The following QKI variants were observed in gnomAD, a reference collection of about 807,000 sequenced individuals.
QKI encodes KH domain-containing RNA-binding protein QKI.
A neutral mutation model predicts 39.0 loss-of-function variants in QKI; 10 were observed. That is an observed-to-expected ratio of 0.26 (90% CI 0.16 to 0.43). The LOEUF (loss-of-function observed/expected upper bound fraction) is 0.43. Among genes scored for constraint, QKI ranks in the 20% least tolerant of loss-of-function variants. The pLI is 1.00. For synonymous variants in QKI, 204 were observed against 155.4 expected (o/e 1.31, Z -2.33); for missense variants, 218 against 428.0 (o/e 0.51, Z 4.33).
intron 1 of QKI, among the ~76,000 whole-genome samples, chr6:163,437,501 G>A (rs1022638903): frequency 1.2e-4 from 19 of 152,076 alleles, no homozygotes; most frequent in Admixed American, 1.2e-3. Flanking sequence ...ATCCACACCC[G>A]AAATGTAGCC....
intron 7 of QKI, chr6:163,569,187 TTAAA>T: frequency 2.1e-6 from 2 of 957,404 alleles, no homozygotes; most frequent in Non-Finnish European, 2.5e-6. Flanking sequence ...AATTTTTATT[TTAAA>T]TAAAATTCCA....
intron 1 of QKI, chr6:163,423,297 T>C (rs1788150520): frequency 6.6e-6 from 1 of 152,198 alleles, no homozygotes; most frequent in Non-Finnish European, 1.5e-5. Flanking sequence ...CAAAAACAAA[T>C]AAAATTTGGA....
At position 163,563,387 on chromosome 6, in the gene QKI, A is replaced by G. The variant is rs748916370; in HGVS notation, c.635-33A>G. ...TTCCGTATTTTATACTGCTGTCTCT[A>G]TACTTCTTTCTAAATTTCTTTGCTT... On this transcript the variant is annotated intron_variant, in intron 5 of 7. Coordinates refer to ENST00000361752, the MANE Select transcript of QKI (RefSeq NM_006775.3). The G allele has an allele frequency of 2.6e-5, 40 of 1,539,666 alleles. 1 individual carries two copies. In the South Asian group the frequency reaches 3.8e-4, roughly 15 times the overall value.
intron 7 of QKI, chr6:163,567,974 A>C: frequency 1.0e-6 from 1 of 985,362 alleles, no homozygotes; most frequent in Non-Finnish European, 1.2e-6. Flanking sequence ...ATATTTGTTT[A>C]GCATAATCCA....
chr6:163,421,635 T>C (rs1381029512), intron 1 of QKI, among the ~76,000 whole-genome samples: 1 of 149,504 alleles, frequency 6.7e-6, no homozygotes, highest in Non-Finnish European at 1.5e-5. Flanking sequence ...TTAACACAAA[T>C]AGCTATGTTT....
At chr6:163,503,210 G>T (rs1370844565) in intron 3 of QKI, among the ~76,000 whole-genome samples, 3 of 136,962 alleles carry the variant, frequency 2.2e-5, no homozygotes, top group African/African-American at 2.7e-5. Flanking sequence ...TCAAACTCAT[G>T]AGCTCAGGCA....
chr6:163,546,242 A>T (rs150695077), intron 4 of QKI, among the ~76,000 whole-genome samples: 1 of 151,752 alleles, frequency 6.6e-6, no homozygotes, highest in Admixed American at 6.6e-5. Flanking sequence ...CTTTAGTTCA[A>T]TTATTTTCAT....
Position 163,577,979 on chromosome 6 carries a change from A to C in QKI, c.*7269A>C, listed in dbSNP as rs547190544. On this transcript the variant is annotated 3_prime_UTR_variant, in exon 8 of 8. Transcript: ENST00000361752. Reference sequence around the variant, plus strand: ...TGACCATCTAATAGTTGTACTATACATATGTCTAAAATAATAGTCATGGTA... The same window carrying C: ...TGACCATCTAATAGTTGTACTATACCTATGTCTAAAATAATAGTCATGGTA... 1 of 152,210 alleles carries C rather than the reference A, an allele frequency of 6.6e-6. No homozygotes were observed. Among genetic ancestry groups the C allele is most frequent in the Non-Finnish European group, 1.5e-5 (1 of 68,038 alleles). The allele number at this position is 152,210 out of a possible 1,614,324, so 9.4% of individuals were successfully genotyped here.
intron 3 of QKI, among the ~76,000 whole-genome samples, chr6:163,533,969 C>CGA (rs1562520526): frequency 6.6e-6 from 1 of 152,156 alleles, no homozygotes; most frequent in African/African-American, 2.4e-5. Flanking sequence ...TTACTGGAAT[C>CGA]TAACAATTAG....
intron 2 of QKI, among the ~76,000 whole-genome samples, chr6:163,477,938 G>T (rs1792752054): frequency 6.6e-6 from 1 of 152,168 alleles, no homozygotes; most frequent in Non-Finnish European, 1.5e-5. Flanking sequence ...GTACCTATTT[G>T]ATTGAATAAG....
chr6:163,458,609 A>G (rs764251112), intron 2 of QKI, among the ~76,000 whole-genome samples: 1 of 152,146 alleles, frequency 6.6e-6, no homozygotes, highest in Non-Finnish European at 1.5e-5. Flanking sequence ...TGTGTTTTGG[A>G]CTTGGCAGTG....
In QKI at chr6:163,566,731, T is replaced by C; in HGVS notation, c.945T>C (p.Ala315=). 2 of 1,613,810 alleles carry C rather than the reference T, an allele frequency of 1.2e-6. No individual in the cohort carries two copies. Among genetic ancestry groups the C allele is most frequent in the Non-Finnish European group, 1.7e-6 (2 of 1,179,836 alleles). ...TTGCAATTTAACTAGGTGCGGTGGC[T>C]ACTAAAGTTCGAAGGCACGATATGC... The part of the protein sequence containing the change: ...IEPSGVLGAV[A]TKVRRHDMRV... The change falls in exon 7 of 8, where the codon GCT becomes GCC. Residue 315 remains alanine (A), a synonymous_variant. Transcript: ENST00000361752.
chr6:163,560,524 A>G (rs1403991307), intron 4 of QKI, among the ~76,000 whole-genome samples: 3 of 152,036 alleles, frequency 2.0e-5, no homozygotes, highest in Non-Finnish European at 1.5e-5. Flanking sequence ...GGAAAGAGAG[A>G]GGGGCAGAGA....
At chr6:163,503,021 C>T (rs1778868877) in intron 3 of QKI, among the ~76,000 whole-genome samples, 1 of 151,878 alleles carries the variant, frequency 6.6e-6, no homozygotes, top group South Asian at 2.1e-4. Flanking sequence ...TGTTTTTTTG[C>T]CTTTTTCGTA....
intron 3 of QKI, among the ~76,000 whole-genome samples, chr6:163,522,456 G>A (rs9456866): frequency 0.78 from 119,105 of 151,998 alleles, 46,869 homozygotes; most frequent in East Asian, 1. Flanking sequence ...CCCCCACTCT[G>A]TTTTCTACCC....
At chr6:163,519,951 C>G (rs80080124) in intron 3 of QKI, among the ~76,000 whole-genome samples, 4,231 of 152,144 alleles carry the variant, frequency 0.028, 189 homozygotes, top group African/African-American at 0.096. Flanking sequence ...AGTAGAGTTA[C>G]TTTTTGTCTT....
chr6:163,426,502 G>GT (rs1291639568), intron 1 of QKI, among the ~76,000 whole-genome samples: 4 of 151,894 alleles, frequency 2.6e-5, no homozygotes, highest in Admixed American at 6.6e-5. Context: ...TTTAAAGGTA[G>GT]TTTTTTTTGT....
At chr6:163,502,659 CTTA>C (rs1482587538) in intron 3 of QKI, among the ~76,000 whole-genome samples, 8 of 152,088 alleles carry the variant, frequency 5.3e-5, no homozygotes, top group Non-Finnish European at 8.8e-5. Flanking sequence ...TCATTTTGAA[CTTA>C]TTTTATACAT....
At chr6:163,428,149 C>T (rs1788550030) in intron 1 of QKI, among the ~76,000 whole-genome samples, 2 of 152,132 alleles carry the variant, frequency 1.3e-5, no homozygotes, top group African/African-American at 4.8e-5. Flanking sequence ...TAACAGTTAC[C>T]TAATTGAGTA....
Sources: allele counts gnomAD v4.1 joint callset (sites outside exome capture counted in the v4.1 genomes callset), GRCh38; gene constraint gnomAD v4.1.1; transcripts MANE v1.5; gene names NCBI Gene and HGNC (gene_info 2026-07-23, HGNC 2026-07-21).